PRKAG2: variants seen among roughly 807,000 people sequenced by gnomAD.
PRKAG2 encodes the protein protein kinase AMP-activated non-catalytic subunit gamma 2.
PRKAG2 carries 26 observed loss-of-function variants against 69.6 expected under a neutral mutation model. The ratio of observed to expected loss-of-function variants is 0.37; its 90% CI spans 0.27 to 0.52. The LOEUF (loss-of-function observed/expected upper bound fraction) is 0.52, where lower values mean the gene tolerates loss of function less well. PRKAG2 is among the 20% of genes least tolerant of loss of function. The pLI is 0.90. For synonymous variants in PRKAG2, 293 were observed against 285.0 expected (o/e 1.03, Z -0.28); for missense variants, 557 against 740.0 (o/e 0.75, Z 2.87).
In PRKAG2 at chr7:151,725,007, G is replaced by A. The variant is rs1055258030; in HGVS notation, c.467-49370C>T. Among the ~76,000 whole-genome samples the A allele has an allele frequency of 5.3e-5, 8 of 152,088 alleles. 1 individual carries two copies. Among genetic ancestry groups the A allele is most frequent in the African/African-American group, 1.9e-4 (8 of 41,516 alleles). ...CCCAACCCTGGCCTGTGGATGCATCGACCCCTTTCACCGCGCCTGACGTGA... is the reference window on the plus strand; with the variant it reads ...CCCAACCCTGGCCTGTGGATGCATCAACCCCTTTCACCGCGCCTGACGTGA... On this transcript the variant is annotated intron_variant, in intron 3 of 15. Coordinates refer to ENST00000287878, the MANE Select transcript of PRKAG2 (RefSeq NM_016203.4).
At chr7:151,735,617 G>T (rs1799650344) in intron 3 of PRKAG2, among the ~76,000 whole-genome samples, 1 of 152,210 alleles carries the variant, frequency 6.6e-6, no homozygotes, top group Non-Finnish European at 1.5e-5. Context: ...CACAGTTTTT[G>T]CATAAATGAA....
At chr7:151,833,128 C>T (rs776001309) in intron 1 of PRKAG2, among the ~76,000 whole-genome samples, 5 of 152,204 alleles carry the variant, frequency 3.3e-5, no homozygotes, top group Admixed American at 6.5e-5. Flanking sequence ...AATTTCATTC[C>T]GGTAAGAACT....
chr7:151,623,720 T>C (rs1384743572), intron 5 of PRKAG2, among the ~76,000 whole-genome samples: 3 of 152,208 alleles, frequency 2.0e-5, no homozygotes, highest in Non-Finnish European at 4.4e-5. Flanking sequence ...TCACAGTTAT[T>C]AAGTAGAAGA....
Position 151,806,960 on chromosome 7 carries a change from G to C in PRKAG2, c.115-20419C>G, listed in dbSNP as rs1309281623. ...CAGCCTGGGGAAAAAAAAAAGCCAG[G>C]CCTCCTAATGTACTCATTTAAACAT... On this transcript the variant is annotated intron_variant, in intron 1 of 15. Transcript: ENST00000287878. 3 of 453,126 alleles carry C rather than the reference G, an allele frequency of 6.6e-6. No individual in the cohort carries two copies. In the Admixed American group the frequency reaches 7.2e-5, roughly 11 times the overall value. 28.1% of individuals were successfully genotyped at this position (453,126 alleles called of 1,614,324 possible). A position where few individuals can be genotyped will look rare whatever the true frequency, so the allele number is the denominator to read the frequency against.
chr7:151,819,417 C>T (rs974931129), intron 1 of PRKAG2, among the ~76,000 whole-genome samples: 10 of 152,192 alleles, frequency 6.6e-5, no homozygotes, highest in Non-Finnish European at 1.2e-4. Flanking sequence ...CAGGGGGACA[C>T]GCAGCCTCAC....
chr7:151,813,845 T>A (rs2078550731), intron 1 of PRKAG2, among the ~76,000 whole-genome samples: 1 of 152,226 alleles, frequency 6.6e-6, no homozygotes, highest in African/African-American at 2.4e-5. Flanking sequence ...GAGGCCAAGA[T>A]ACCCTTCAAT....
chr7:151,632,045 C>G lies in PRKAG2; in HGVS notation c.754+24G>C, dbSNP rs968636076. ...CGGCCGGGCCGTGGGAGCGCCGGGCCGGCAGCGGGCGGGGCGCACTCACCT... is the reference window on the plus strand; with the variant it reads ...CGGCCGGGCCGTGGGAGCGCCGGGCGGGCAGCGGGCGGGGCGCACTCACCT... On this transcript the variant is annotated intron_variant, in intron 5 of 15. Transcript: ENST00000287878. This position sits in a 1 kb window ranked among gnomAD's most constrained non-coding sequence, Gnocchi z 4.2. 59 of 1,345,676 alleles carry G rather than the reference C, an allele frequency of 4.4e-5. No homozygotes were observed. The highest frequency in any genetic ancestry group is 5.4e-5 in the Non-Finnish European group (56 of 1,036,180). 83.4% of individuals were successfully genotyped at this position (1,345,676 alleles called of 1,614,324 possible). A position where few individuals can be genotyped will look rare whatever the true frequency, so the allele number is the denominator to read the frequency against.
chr7:151,812,485 G>A (rs576192815), intron 1 of PRKAG2, among the ~76,000 whole-genome samples: 15 of 152,340 alleles, frequency 9.8e-5, no homozygotes, highest in Admixed American at 2.0e-4. Flanking sequence ...ATTAGAAGCC[G>A]CAGTTCCAGG....
intron 1 of PRKAG2, among the ~76,000 whole-genome samples, chr7:151,799,082 C>T (rs2077695242): frequency 6.6e-6 from 1 of 152,026 alleles, no homozygotes; most frequent in Admixed American, 6.5e-5. Context: ...CTGGCCCGGG[C>T]CTGCTGCGGG....
rs751046131 is a variant in PRKAG2 at position 151,781,776 on chromosome 7, C to A, written c.187-345G>T. Among the ~76,000 whole-genome samples, 3 of 152,174 alleles carry A rather than the reference C, an allele frequency of 2.0e-5. No homozygotes were observed. The highest frequency in any genetic ancestry group is 2.9e-5 in the Non-Finnish European group (2 of 68,030). ...TTATTATGGGCCTGCCTGCCTTCAC[C>A]TCTCAAGACCTCACGTCCATCCAAG... On this transcript the variant is annotated intron_variant, in intron 2 of 15. Coordinates refer to ENST00000287878, the MANE Select transcript of PRKAG2 (RefSeq NM_016203.4). The surrounding 1 kb of genome is among the most constrained non-coding windows in gnomAD (Gnocchi z 6.1).
intron 3 of PRKAG2, among the ~76,000 whole-genome samples, chr7:151,758,988 C>G (rs752263343): frequency 6.6e-5 from 10 of 152,184 alleles, no homozygotes; most frequent in Non-Finnish European, 1.3e-4. Context: ...TCTACCATCT[C>G]TTTACTGCAC....
At chr7:151,694,809 C>T (rs1217576318) in intron 3 of PRKAG2, among the ~76,000 whole-genome samples, 1 of 152,228 alleles carries the variant, frequency 6.6e-6, no homozygotes, top group Non-Finnish European at 1.5e-5. Flanking sequence ...ATGGTTGCTG[C>T]CTGCATGGCC....
intron 5 of PRKAG2, among the ~76,000 whole-genome samples, chr7:151,609,309 T>TA (rs565634915): frequency 6.9e-5 from 7 of 102,166 alleles, no homozygotes; most frequent in South Asian, 7.0e-4. Flanking sequence ...AGAATTTATA[T>TA]AAAAAAAATG....
At chr7:151,720,874 G>A (rs1279747154) in intron 3 of PRKAG2, among the ~76,000 whole-genome samples, 2 of 133,786 alleles carry the variant, frequency 1.5e-5, no homozygotes, top group Non-Finnish European at 3.2e-5. Context: ...GAGGGAGAGG[G>A]TCAGAGGGGA....
At chr7:151,591,036 T>A (rs1334187291) in intron 6 of PRKAG2, among the ~76,000 whole-genome samples, 1 of 152,164 alleles carries the variant, frequency 6.6e-6, no homozygotes, top group Non-Finnish European at 1.5e-5. Context: ...GACAGGGGCA[T>A]TGGCACGGAT....
At chr7:151,718,058 ATGCCAGGCAGGAGGTCC>A (rs1489649050) in intron 3 of PRKAG2, among the ~76,000 whole-genome samples, 6 of 152,244 alleles carry the variant, frequency 3.9e-5, no homozygotes, top group Non-Finnish European at 7.3e-5. Context: ...ATGGAAGCAG[ATGCCAGGCAGGAGGTCC>A]TGCCTTCCAG....
chr7:151,565,407 GA>G, intron 12 of PRKAG2, 24 bp from the exon 13 acceptor site: 2 of 1,323,740 alleles, frequency 1.5e-6, no homozygotes, highest in East Asian at 2.5e-5. Context: ...ATATATGTTA[GA>G]AAAATGTCTT....
intron 3 of PRKAG2, among the ~76,000 whole-genome samples, chr7:151,749,930 C>T (rs1435099798): frequency 6.6e-6 from 1 of 151,668 alleles, no homozygotes; most frequent in Non-Finnish European, 1.5e-5. Flanking sequence ...AATCCCATCT[C>T]CACTAAACAT....
intron 3 of PRKAG2, among the ~76,000 whole-genome samples, chr7:151,757,902 T>G (rs915786578): frequency 2.0e-5 from 3 of 152,256 alleles, no homozygotes; most frequent in African/African-American, 7.2e-5. Flanking sequence ...ATGTGCTGGA[T>G]TATGCCATCA....
Sources: gnomAD v4.1 joint callset for allele counts (sites outside exome capture counted in the v4.1 genomes callset) on GRCh38, gnomAD v4.1.1 for gene constraint, Gnocchi (gnomAD v3.1) non-coding constraint, MANE v1.5 for transcripts, NCBI Gene and HGNC (gene_info 2026-07-23, HGNC 2026-07-21) for gene names.